The following STXBP5 variants were observed in gnomAD, a reference collection of about 807,000 sequenced individuals.
The protein encoded by STXBP5 is syntaxin binding protein 5.
In STXBP5, 50 loss-of-function variants were observed where a neutral mutation model predicts 152.4. The observed-to-expected ratio is 0.33, with a 90% CI of 0.26 to 0.42. The LOEUF (loss-of-function observed/expected upper bound fraction) is 0.42. Ranked by LOEUF, STXBP5 falls within the 10% of genes least tolerant of loss-of-function variation. The probability of loss-of-function intolerance (pLI) is 1.00; values close to 1 mark genes in which losing one functional copy is unlikely to be tolerated. For missense variants in STXBP5, 1,167 were observed against 1,388.6 expected, an observed-to-expected ratio of 0.84 and a Z score of 2.54; for synonymous variants, 492 against 494.7, an observed-to-expected ratio of 0.99 and a Z score of 0.07.
intron 3 of STXBP5, among the ~76,000 whole-genome samples, chr6:147,237,981 TAGTCTAGAC>T (rs1778361969): frequency 6.6e-6 from 1 of 152,222 alleles, no homozygotes; most frequent in African/African-American, 2.4e-5. Flanking sequence ...AAATCAGCTC[TAGTCTAGAC>T]AGTCTTAATT....
chr6:147,206,535 CAATTAGCAGAAGTGTAGCA>C (rs1478860290), intron 2 of STXBP5, among the ~76,000 whole-genome samples: 1 of 151,958 alleles, frequency 6.6e-6, no homozygotes, highest in Admixed American at 6.5e-5. Context: ...TGTAGAAAAA[CAATTAGCAGAAGTGTAGCA>C]AATTAATTTT....
chr6:147,228,203 G>T lies in STXBP5; in HGVS notation c.249-7047G>T, dbSNP rs144714850. On this transcript the variant is annotated intron_variant, in intron 2 of 27. Transcript: ENST00000321680. ...TGGTTTACTCTTTCACTTTATTGGA[G>T]CATAGTCTTAAATGACTTACAAAAA... is the stretch of plus-strand genomic sequence containing the variant. Among the ~76,000 whole-genome samples, 679 of 151,938 alleles carry T rather than the reference G, an allele frequency of 4.5e-3. 5 individuals are homozygous for T. Among genetic ancestry groups the T allele is most frequent in the African/African-American group, 0.016 (656 of 41,486 alleles).
intron 7 of STXBP5, among the ~76,000 whole-genome samples, chr6:147,270,545 TAAAG>T (rs1050978736): frequency 1.3e-5 from 2 of 150,434 alleles, no homozygotes; most frequent in African/African-American, 4.9e-5. Flanking sequence ...TTTTCAAAAA[TAAAG>T]GCAAAATAAA....
chr6:147,273,884 A>G (rs556850966), intron 7 of STXBP5, among the ~76,000 whole-genome samples: 4 of 152,010 alleles, frequency 2.6e-5, no homozygotes, highest in South Asian at 2.1e-4. Context: ...CCCGGGAGGC[A>G]GAGCTTGCAG....
At chr6:147,363,961 C>T in intron 24 of STXBP5, 40 bp from the exon 25 acceptor site, 2 of 1,593,576 alleles carry the variant, frequency 1.3e-6, no homozygotes, top group South Asian at 1.1e-5. Flanking sequence ...AAGACTAAAA[C>T]CTACCTTATT....
chr6:147,218,250 T>G (rs1777275220), intron 2 of STXBP5, among the ~76,000 whole-genome samples: 1 of 152,206 alleles, frequency 6.6e-6, no homozygotes, highest in Non-Finnish European at 1.5e-5. Context: ...TTTTATGTGT[T>G]TAGACAAATA....
At chr6:147,224,628 A>G (rs1002393365) in intron 2 of STXBP5, among the ~76,000 whole-genome samples, 2 of 152,172 alleles carry the variant, frequency 1.3e-5, no homozygotes, top group South Asian at 4.1e-4. Flanking sequence ...GTAACCTGCT[A>G]CTTACAGAAA....
intron 4 of STXBP5, among the ~76,000 whole-genome samples, chr6:147,249,179 C>T (rs997788968): frequency 2.0e-5 from 3 of 152,014 alleles, no homozygotes; most frequent in Non-Finnish European, 2.9e-5. Context: ...AGTGACTGCA[C>T]CTCTAACCTA....
intron 25 of STXBP5, among the ~76,000 whole-genome samples, chr6:147,365,279 A>G (rs1785243411): frequency 6.6e-6 from 1 of 152,214 alleles, no homozygotes; most frequent in Admixed American, 6.5e-5. Context: ...TTATTTTTCA[A>G]AGATTCCTAA....
chr6:147,309,981 G>A (rs761661233), intron 9 of STXBP5, 103 bp from the exon 10 acceptor site: 3 of 836,548 alleles, frequency 3.6e-6, no homozygotes, highest in Non-Finnish European at 5.1e-6. Flanking sequence ...AAAAATGTTA[G>A]AATTTAAGAT....
intron 2 of STXBP5, among the ~76,000 whole-genome samples, chr6:147,206,402 G>A (rs1475863276): frequency 6.6e-6 from 1 of 152,154 alleles, no homozygotes; most frequent in African/African-American, 2.4e-5. Flanking sequence ...GGTATGTTAA[G>A]GATGAGGTTT....
At chr6:147,210,754 A>G (rs13198949) in intron 2 of STXBP5, among the ~76,000 whole-genome samples, 1 of 152,212 alleles carries the variant, frequency 6.6e-6, no homozygotes, top group Non-Finnish European at 1.5e-5. Flanking sequence ...GATTAAATCT[A>G]ATAAAATGTG....
At chr6:147,299,251 A>AG (rs1781685740) in intron 9 of STXBP5, among the ~76,000 whole-genome samples, 1 of 150,032 alleles carries the variant, frequency 6.7e-6, no homozygotes, top group Admixed American at 6.6e-5. Flanking sequence ...GAGTAATCTA[A>AG]AAAAAAAAAG....
intron 22 of STXBP5, among the ~76,000 whole-genome samples, chr6:147,356,339 C>T (rs1270960863): frequency 1.3e-5 from 2 of 151,874 alleles, no homozygotes; most frequent in Non-Finnish European, 2.9e-5. Context: ...TACATCACAA[C>T]TGAAAATGTT....
intron 2 of STXBP5, among the ~76,000 whole-genome samples, chr6:147,216,079 A>T (rs917153715): frequency 6.6e-6 from 1 of 152,192 alleles, no homozygotes; most frequent in Non-Finnish European, 1.5e-5. Context: ...AACTACCTGA[A>T]AAATGAATAA....
chr6:147,260,482 T>C, intron 4 of STXBP5, 133 bp from the exon 5 acceptor site: 1 of 983,182 alleles, frequency 1.0e-6, no homozygotes, highest in Non-Finnish European at 1.5e-6. Flanking sequence ...TTAGTCACAA[T>C]GAATAGATAA....
At chr6:147,376,380 G>A (rs544292857) in intron 26 of STXBP5, among the ~76,000 whole-genome samples, 5 of 152,132 alleles carry the variant, frequency 3.3e-5, no homozygotes, top group Middle Eastern at 3.4e-3. Context: ...CCGAAACAAA[G>A]CAAAAAGAGA....
intron 16 of STXBP5, among the ~76,000 whole-genome samples, chr6:147,318,023 A>G (rs752301218): frequency 2.6e-5 from 4 of 152,236 alleles, no homozygotes; most frequent in Non-Finnish European, 5.9e-5. Flanking sequence ...TAACAATTCC[A>G]TATAAACATA....
intron 25 of STXBP5, among the ~76,000 whole-genome samples, chr6:147,371,353 A>C (rs1785530866): frequency 6.6e-6 from 1 of 151,986 alleles, no homozygotes; most frequent in African/African-American, 2.4e-5. Context: ...TGAGTTTTCA[A>C]CTCCCTTTAA....
Sources: gnomAD v4.1 joint callset for allele counts (sites outside exome capture counted in the v4.1 genomes callset) on GRCh38, gnomAD v4.1.1 for gene constraint, MANE v1.5 for transcripts, NCBI Gene and HGNC (gene_info 2026-07-23, HGNC 2026-07-21) for gene names.